NLGN1: variants seen among roughly 807,000 people sequenced by gnomAD.
NLGN1 encodes neuroligin 1.
NLGN1 carries 12 observed loss-of-function variants against 65.5 expected under a neutral mutation model. The ratio of observed to expected loss-of-function variants is 0.18; its 90% CI spans 0.12 to 0.30. The LOEUF (loss-of-function observed/expected upper bound fraction) is 0.30, where lower values mean the gene tolerates loss of function less well. Ranked by LOEUF, NLGN1 falls within the 10% of genes least tolerant of loss-of-function variation. The pLI is 1.00. For missense variants in NLGN1, 750 were observed against 1,007.1 expected (o/e 0.74, Z 3.46); for synonymous variants, 350 against 359.5 (o/e 0.97, Z 0.30).
intron 4 of NLGN1, among the ~76,000 whole-genome samples, chr3:173,914,525 A>G (rs957993695): frequency 1.4e-5 from 2 of 139,756 alleles, no homozygotes; most frequent in Non-Finnish European, 3.1e-5. Flanking sequence ...ATATACACAT[A>G]CATCTATACA....
chr3:173,993,163 G>A (rs1033332724), intron 4 of NLGN1, among the ~76,000 whole-genome samples: 2 of 152,192 alleles, frequency 1.3e-5, no homozygotes, highest in Admixed American at 6.5e-5. Context: ...GTTATGCGTG[G>A]TCTATACACA....
At chr3:173,945,596 T>C (rs530733495) in intron 4 of NLGN1, among the ~76,000 whole-genome samples, 1 of 152,322 alleles carries the variant, frequency 6.6e-6, no homozygotes, top group Admixed American at 6.5e-5. Context: ...ATATTTTCAA[T>C]GCCAGTGAAA....
chr3:173,567,914 C>G (rs1743960160), intron 2 of NLGN1, among the ~76,000 whole-genome samples: 1 of 151,916 alleles, frequency 6.6e-6, no homozygotes, highest in Non-Finnish European at 1.5e-5. Context: ...ATAAATTAAA[C>G]TATTAACAGT....
At chr3:173,953,546 C>CAT (rs1748636168) in intron 4 of NLGN1, among the ~76,000 whole-genome samples, 2 of 151,522 alleles carry the variant, frequency 1.3e-5, no homozygotes, top group African/African-American at 4.9e-5. Flanking sequence ...TACTTACTTA[C>CAT]TTATTTATTT....
chr3:173,742,696 G>A (rs1174797933), intron 3 of NLGN1, among the ~76,000 whole-genome samples: 1 of 152,032 alleles, frequency 6.6e-6, no homozygotes, highest in Admixed American at 6.6e-5. Context: ...AATTTCCCCT[G>A]AGAGTTCAGT....
At chr3:173,659,900 TCCACTAC>T (rs1760671039) in intron 3 of NLGN1, among the ~76,000 whole-genome samples, 1 of 151,914 alleles carries the variant, frequency 6.6e-6, no homozygotes, top group Non-Finnish European at 1.5e-5. Flanking sequence ...ATCACAAAAG[TCCACTAC>T]CTTAATAACC....
Position 173,845,606 on chromosome 3 carries a change from GGATAGATAGATAGATA to G in NLGN1, c.646+37803_646+37818del, listed in dbSNP as rs10546469. ...TGGATAGACAGATAGGTAGGTGGAT[GGATAGATAGATAGATA>G]GATAGATAGATAGATAGATAGATAG... is the stretch of plus-strand genomic sequence containing the variant. On this transcript the variant is annotated intron_variant, in intron 4 of 6. Coordinates refer to ENST00000457714, the Ensembl canonical transcript of NLGN1. Among the ~76,000 whole-genome samples the G allele has an allele frequency of 1.9e-4, 28 of 147,044 alleles. No homozygotes were observed. The East Asian group carries it at 3.9e-3, about 20-fold the overall frequency.
intron 3 of NLGN1, among the ~76,000 whole-genome samples, chr3:173,666,165 A>G (rs1475425865): frequency 6.6e-6 from 1 of 152,148 alleles, no homozygotes; most frequent in Non-Finnish European, 1.5e-5. Flanking sequence ...TGAGTTCCTG[A>G]TAAGTGATAT....
chr3:174,255,435 C>CAAAAAA lies in NLGN1; in HGVS notation c.647-19864_647-19859dup, dbSNP rs71162383. Among the ~76,000 whole-genome samples the CAAAAAA allele has an allele frequency of 2.6e-3, 179 of 70,034 alleles. 6 individuals carry two copies. Among genetic ancestry groups the CAAAAAA allele is most frequent in the African/African-American group, 5.5e-3 (71 of 12,918 alleles). The allele number at this position is 70,034 out of a possible 152,430, so 45.9% of individuals were successfully genotyped here. On this transcript the variant is annotated intron_variant, in intron 4 of 6. Coordinates refer to ENST00000457714, the Ensembl canonical transcript of NLGN1. ...TAGGCGATAGAGCAAGACTCTGTCT[C>CAAAAAA]AAAAAAAAAAAAAAAAAAAAAGCGC...
chr3:174,038,464 G>GA (rs1731600847), intron 4 of NLGN1, among the ~76,000 whole-genome samples: 1 of 152,138 alleles, frequency 6.6e-6, no homozygotes, highest in Non-Finnish European at 1.5e-5. Flanking sequence ...CTCCTTTTCA[G>GA]AAAAGGATTC....
intron 3 of NLGN1, among the ~76,000 whole-genome samples, chr3:173,661,631 T>C (rs1177408542): frequency 6.6e-6 from 1 of 152,042 alleles, no homozygotes; most frequent in African/African-American, 2.4e-5. Context: ...CTAAAGCTGT[T>C]TCATCAGACA....
intron 3 of NLGN1, among the ~76,000 whole-genome samples, chr3:173,802,204 A>G (rs141273058): frequency 2.6e-3 from 389 of 152,236 alleles, no homozygotes; most frequent in Non-Finnish European, 4.3e-3. Context: ...TAGAGTAGGT[A>G]AGTCTGAGCG....
chr3:173,789,268 T>G (rs16848096), intron 3 of NLGN1, among the ~76,000 whole-genome samples: 15,183 of 152,024 alleles, frequency 0.1, 839 homozygotes, highest in African/African-American at 0.14. Flanking sequence ...TAGTTTTAAT[T>G]AAAAAGAAGC....
intron 3 of NLGN1, among the ~76,000 whole-genome samples, chr3:173,672,142 C>T (rs1446922258): frequency 6.6e-6 from 1 of 152,058 alleles, no homozygotes; most frequent in Non-Finnish European, 1.5e-5. Context: ...CCACTGCACT[C>T]CAGCCTGGGC....
At chr3:174,111,311 A>G (rs1715176577) in intron 4 of NLGN1, among the ~76,000 whole-genome samples, 1 of 151,860 alleles carries the variant, frequency 6.6e-6, no homozygotes, top group Non-Finnish European at 1.5e-5. Flanking sequence ...TCTTATCTGA[A>G]TTGATCGTAT....
chr3:173,785,709 A>G (rs1781845228), intron 3 of NLGN1, among the ~76,000 whole-genome samples: 1 of 152,064 alleles, frequency 6.6e-6, no homozygotes, highest in Admixed American at 6.5e-5. Context: ...AAATGTGTTT[A>G]TCTATAAGAG....
intron 2 of NLGN1, among the ~76,000 whole-genome samples, chr3:173,436,026 A>G (rs585127): frequency 0.32 from 49,191 of 152,008 alleles, 9,823 homozygotes; most frequent in African/African-American, 0.57. Context: ...CAAACTGATT[A>G]ACCTACAGCC....
intron 4 of NLGN1, among the ~76,000 whole-genome samples, chr3:173,823,929 A>C (rs536485472): frequency 6.6e-6 from 1 of 151,658 alleles, no homozygotes; most frequent in African/African-American, 2.4e-5. Context: ...TAAAAAAAAA[A>C]AACAAATCTT....
intron 4 of NLGN1, among the ~76,000 whole-genome samples, chr3:173,991,039 A>C (rs1411490492): frequency 1.3e-5 from 2 of 152,148 alleles, no homozygotes; most frequent in Non-Finnish European, 2.9e-5. Flanking sequence ...ATTACAATTG[A>C]TGAACCGATA....
Sources: gnomAD v4.1 joint callset for allele counts (sites outside exome capture counted in the v4.1 genomes callset) on GRCh38, gnomAD v4.1.1 for gene constraint, MANE v1.5 for transcripts, NCBI Gene and HGNC (gene_info 2026-07-23, HGNC 2026-07-21) for gene names.